Variants in STXBP5L observed in about 807,000 individuals in gnomAD.
STXBP5L encodes the protein syntaxin binding protein 5L.
In STXBP5L, 65 loss-of-function variants were observed where a neutral mutation model predicts 144.5. The ratio of observed to expected loss-of-function variants is 0.45; its 90% confidence interval spans 0.37 to 0.55. The LOEUF (loss-of-function observed/expected upper bound fraction) is 0.55, where lower values mean the gene tolerates loss of function less well. Ranked by LOEUF, STXBP5L falls within the 20% of genes least tolerant of loss-of-function variation. The pLI, the probability that STXBP5L is intolerant of heterozygous loss-of-function variation, is 0.00. For synonymous variants in STXBP5L, 505 were observed against 469.6 expected (o/e 1.08, Z -0.97); for missense variants, 1,298 against 1,405.5 (o/e 0.92, Z 1.22).
At chr3:121,272,252 A>G (rs2050755107) in intron 18 of STXBP5L, among the ~76,000 whole-genome samples, 1 of 152,132 alleles carries the variant, frequency 6.6e-6, no homozygotes, top group South Asian at 2.1e-4. Flanking sequence ...TTGAATTGCC[A>G]TTTGTATCTC....
intron 19 of STXBP5L, 40 bp from the exon 20 acceptor site, chr3:121,318,435 C>G (rs371489055): frequency 2.0e-5 from 30 of 1,483,266 alleles, no homozygotes; most frequent in Middle Eastern, 3.5e-4. Flanking sequence ...CTACAAAATG[C>G]TAGCAAAATT....
Position 120,978,461 on chromosome 3 carries a change from G to A in STXBP5L, c.287+23424G>A, listed in dbSNP as rs929561320. Reference sequence around the variant, plus strand: ...ATACATTTGTCTAAATTTTTTTCAAGGTTTTTAACTTCTTTGCCTTTGGTT... The same window carrying A: ...ATACATTTGTCTAAATTTTTTTCAAAGTTTTTAACTTCTTTGCCTTTGGTT... On this transcript the variant is annotated intron_variant, in intron 3 of 26. Transcript: ENST00000471454. 2.0e-5 allele frequency among the ~76,000 whole-genome samples: 3 copies of A among 152,136 alleles called. No individual in the cohort carries two copies. The East Asian group carries it at 5.8e-4, about 29-fold the overall frequency.
intron 20 of STXBP5L, among the ~76,000 whole-genome samples, chr3:121,359,028 G>A (rs1203345276): frequency 6.6e-6 from 1 of 152,006 alleles, no homozygotes; most frequent in East Asian, 1.9e-4. Context: ...TAGTTTGGAG[G>A]AACCTCCAAA....
chr3:121,164,941 G>C (rs2046448921), intron 9 of STXBP5L, among the ~76,000 whole-genome samples: 2 of 152,084 alleles, frequency 1.3e-5, no homozygotes, highest in South Asian at 4.1e-4. Flanking sequence ...CAGATATATA[G>C]AAGAAAAAGT....
At chr3:121,217,871 G>A (rs1019375913) in intron 10 of STXBP5L, among the ~76,000 whole-genome samples, 3 of 151,422 alleles carry the variant, frequency 2.0e-5, no homozygotes, top group East Asian at 1.9e-4. Context: ...ACTTTATGAC[G>A]TCTATTTTAT....
At chr3:121,022,104 G>A (rs1196082910) in intron 3 of STXBP5L, among the ~76,000 whole-genome samples, 1 of 152,030 alleles carries the variant, frequency 6.6e-6, no homozygotes, top group African/African-American at 2.4e-5. Flanking sequence ...CAATACCACA[G>A]AAATACAAAA....
intron 5 of STXBP5L, among the ~76,000 whole-genome samples, chr3:121,082,931 G>A (rs1479504330): frequency 6.6e-6 from 1 of 152,194 alleles, no homozygotes; most frequent in African/African-American, 2.4e-5. Flanking sequence ...GGGCGTGGTG[G>A]CTCATGCCTG....
chr3:121,421,538 A>G lies in STXBP5L; in HGVS notation c.*2441A>G, dbSNP rs1238794064. Reference sequence around the variant, plus strand: ...AGCCACTATTCTACATCATACAAAGAGGTAGATTGTGTGAATATGTAATAT... The same window carrying G: ...AGCCACTATTCTACATCATACAAAGGGGTAGATTGTGTGAATATGTAATAT... On this transcript the variant is annotated 3_prime_UTR_variant, in exon 27 of 27. Coordinates refer to ENST00000471454, the MANE Select transcript of STXBP5L (RefSeq NM_001308330.2). 1 of 152,222 alleles carries G rather than the reference A, an allele frequency of 6.6e-6. No individual in the cohort carries two copies. Among genetic ancestry groups the G allele is most frequent in the African/African-American group, 2.4e-5 (1 of 41,460 alleles). The allele number at this position is 152,222 out of a possible 1,614,324, so 9.4% of individuals were successfully genotyped here.
chr3:120,947,858 C>T (rs887211679), intron 2 of STXBP5L, among the ~76,000 whole-genome samples: 2 of 151,722 alleles, frequency 1.3e-5, no homozygotes, highest in African/African-American at 2.4e-5. Flanking sequence ...ATTCATCAGT[C>T]GATGGACATT....
chr3:121,139,957 A>G (rs1165336637), intron 7 of STXBP5L, among the ~76,000 whole-genome samples: 2 of 152,210 alleles, frequency 1.3e-5, no homozygotes, highest in South Asian at 4.1e-4. Context: ...CTCACCATAA[A>G]AAACCAAACA....
chr3:121,309,214 C>CT lies in STXBP5L; in HGVS notation c.2111-9253dup, dbSNP rs1160911836. Among the ~76,000 whole-genome samples the CT allele has an allele frequency of 2.0e-4, 30 of 151,690 alleles. No individual in the cohort carries two copies. The East Asian group carries it at 2.3e-3, about 12-fold the overall frequency. ...CAATCAAAAGACATAGATTGTGAGA[C>CT]TTTTTTTTAAAAAATCAAGATCTGC... On this transcript the variant is annotated intron_variant, in intron 19 of 26. Coordinates refer to ENST00000471454, the MANE Select transcript of STXBP5L (RefSeq NM_001308330.2).
chr3:121,137,424 A>G (rs1008559255), intron 7 of STXBP5L, among the ~76,000 whole-genome samples: 6 of 152,312 alleles, frequency 3.9e-5, no homozygotes, highest in African/African-American at 1.2e-4. Context: ...AACAGATTGG[A>G]AAGCCTAGAA....
chr3:121,126,907 G>A (rs1010420763), intron 7 of STXBP5L, among the ~76,000 whole-genome samples: 42 of 152,148 alleles, frequency 2.8e-4, no homozygotes, highest in African/African-American at 9.2e-4. Flanking sequence ...AAATCCAACA[G>A]CATAGTATCT....
intron 3 of STXBP5L, among the ~76,000 whole-genome samples, chr3:120,973,502 C>A (rs984788432): frequency 1.3e-5 from 2 of 151,770 alleles, no homozygotes; most frequent in Non-Finnish European, 2.9e-5. Flanking sequence ...CTATCATTTT[C>A]TAAAATATTT....
At chr3:120,971,657 A>G (rs1020082318) in intron 3 of STXBP5L, among the ~76,000 whole-genome samples, 1 of 151,794 alleles carries the variant, frequency 6.6e-6, no homozygotes, top group African/African-American at 2.4e-5. Flanking sequence ...ACACACACAC[A>G]CACACATATA....
At chr3:121,136,402 A>G (rs1237028943) in intron 7 of STXBP5L, among the ~76,000 whole-genome samples, 1 of 152,190 alleles carries the variant, frequency 6.6e-6, no homozygotes, top group Non-Finnish European at 1.5e-5. Context: ...CCAGCAAAGC[A>G]GACTCAGAAC....
At chr3:120,988,072 T>A (rs1307055494) in intron 3 of STXBP5L, among the ~76,000 whole-genome samples, 1 of 151,644 alleles carries the variant, frequency 6.6e-6, no homozygotes, top group African/African-American at 2.4e-5. Context: ...GTATATTTAT[T>A]TTTTTTTCAA....
chr3:121,296,478 A>T (rs966663251), intron 19 of STXBP5L, among the ~76,000 whole-genome samples: 1 of 152,238 alleles, frequency 6.6e-6, no homozygotes, highest in Non-Finnish European at 1.5e-5. Context: ...CCATGGTAGG[A>T]ACAATGATGA....
intron 20 of STXBP5L, among the ~76,000 whole-genome samples, chr3:121,354,389 G>A (rs1382231052): frequency 1.3e-5 from 2 of 151,952 alleles, no homozygotes; most frequent in Non-Finnish European, 2.9e-5. Flanking sequence ...TATATATTTA[G>A]GATAGTTACA....
Sources: allele counts gnomAD v4.1 joint callset (sites outside exome capture counted in the v4.1 genomes callset), GRCh38; gene constraint gnomAD v4.1.1; transcripts MANE v1.5; gene names NCBI Gene and HGNC (gene_info 2026-07-23, HGNC 2026-07-21).